The following GPC5 variants were observed in gnomAD, a reference collection of about 807,000 sequenced individuals.
The protein encoded by GPC5 is glypican 5, also known as glypican-5.
GPC5 carries 47 observed loss-of-function variants against 53.9 expected under a neutral mutation model. The ratio of observed to expected loss-of-function variants is 0.87; its 90% CI spans 0.69 to 1.11. The LOEUF (loss-of-function observed/expected upper bound fraction) is 1.11, where lower values mean the gene tolerates loss of function less well. Ranked by LOEUF, GPC5 falls within the 50% of genes most tolerant of loss-of-function variation. The probability of loss-of-function intolerance (pLI) is 0.00; values close to 1 mark genes in which losing one functional copy is unlikely to be tolerated. For synonymous variants in GPC5, 286 were observed against 263.3 expected (o/e 1.09, Z -0.84); for missense variants, 748 against 713.1 (o/e 1.05, Z -0.56).
intron 5 of GPC5, among the ~76,000 whole-genome samples, chr13:91,784,460 C>T (rs2037846275): frequency 6.6e-6 from 1 of 152,112 alleles, no homozygotes; most frequent in Non-Finnish European, 1.5e-5. Context: ...CGCAGTGGCT[C>T]ACACCTGTAA....
intron 7 of GPC5, among the ~76,000 whole-genome samples, chr13:92,627,720 G>T (rs1048216745): frequency 1.3e-5 from 2 of 152,286 alleles, no homozygotes; most frequent in Middle Eastern, 3.4e-3. Context: ...CCAAGGAGCA[G>T]TTGCTAAGTA....
intron 7 of GPC5, among the ~76,000 whole-genome samples, chr13:92,502,839 A>G (rs1387504280): frequency 6.6e-6 from 1 of 152,014 alleles, no homozygotes; most frequent in Non-Finnish European, 1.5e-5. Context: ...GACATCAATC[A>G]ATCAATTCTA....
intron 6 of GPC5, among the ~76,000 whole-genome samples, chr13:92,051,737 G>A (rs1326716508): frequency 2.6e-5 from 4 of 152,288 alleles, no homozygotes; most frequent in South Asian, 2.1e-4. Flanking sequence ...ACAAAGTGAA[G>A]GTAAGACAAA....
chr13:92,457,501 C>T (rs190796084), intron 7 of GPC5, among the ~76,000 whole-genome samples: 2 of 152,234 alleles, frequency 1.3e-5, no homozygotes, highest in African/African-American at 4.8e-5. Flanking sequence ...TATTGAAAAT[C>T]ATTGCTCACA....
At chr13:91,431,577 C>A (rs1594080067) in intron 1 of GPC5, among the ~76,000 whole-genome samples, 1 of 152,228 alleles carries the variant, frequency 6.6e-6, no homozygotes, top group East Asian at 1.9e-4. Flanking sequence ...ACACTCTGAC[C>A]ACAAACAGAT....
At chr13:91,538,609 G>T (rs922835119) in intron 2 of GPC5, among the ~76,000 whole-genome samples, 1 of 138,604 alleles carries the variant, frequency 7.2e-6, no homozygotes, top group Non-Finnish European at 1.5e-5. Context: ...TTGAGATGGC[G>T]TCTTGCTCTG....
chr13:92,113,132 G>A (rs958272412), intron 6 of GPC5, among the ~76,000 whole-genome samples: 2 of 151,448 alleles, frequency 1.3e-5, no homozygotes, highest in Non-Finnish European at 2.9e-5. Flanking sequence ...TTTCTTTTTT[G>A]TGGATATCTT....
At chr13:92,028,941 A>T (rs1175710257) in intron 6 of GPC5, among the ~76,000 whole-genome samples, 1 of 152,148 alleles carries the variant, frequency 6.6e-6, no homozygotes, top group Admixed American at 6.6e-5. Flanking sequence ...ATACAGTAGA[A>T]TGTGTCCCAG....
chr13:91,700,217 T>C (rs1396430698), intron 3 of GPC5, among the ~76,000 whole-genome samples: 1 of 152,176 alleles, frequency 6.6e-6, no homozygotes, highest in African/African-American at 2.4e-5. Context: ...TGGTGAGGGC[T>C]AATGAAGACT....
chr13:91,768,654 C>A (rs2037567425), intron 5 of GPC5, among the ~76,000 whole-genome samples: 1 of 152,048 alleles, frequency 6.6e-6, no homozygotes. Flanking sequence ...AGAATCTAGA[C>A]CTTTTTAGTT....
At chr13:91,430,485 G>C (rs1053594944) in intron 1 of GPC5, among the ~76,000 whole-genome samples, 1 of 152,152 alleles carries the variant, frequency 6.6e-6, no homozygotes, top group Admixed American at 6.5e-5. Flanking sequence ...TTCTTCCTCT[G>C]TAAAGACTGG....
At chr13:92,317,932 TG>T (rs1236787122) in intron 7 of GPC5, among the ~76,000 whole-genome samples, 2 of 152,226 alleles carry the variant, frequency 1.3e-5, no homozygotes, top group Non-Finnish European at 2.9e-5. Context: ...ACTTCAATTC[TG>T]GTGAATGAAG....
intron 7 of GPC5, among the ~76,000 whole-genome samples, chr13:92,191,639 A>C (rs938823235): frequency 4.6e-5 from 7 of 152,198 alleles, no homozygotes. Context: ...TAAGTGAATG[A>C]ATTAACTGCG....
chr13:92,073,496 C>T (rs2138869034), intron 6 of GPC5, among the ~76,000 whole-genome samples: 1 of 152,302 alleles, frequency 6.6e-6, no homozygotes, highest in East Asian at 1.9e-4. Flanking sequence ...ATTGGACTTT[C>T]TATGTCATAC....
chr13:92,434,389 A>G (rs556129698), intron 7 of GPC5, among the ~76,000 whole-genome samples: 1 of 152,340 alleles, frequency 6.6e-6, no homozygotes, highest in African/African-American at 2.4e-5. Context: ...CCATTGCAAT[A>G]GAATGTTTTT....
At chr13:92,530,792 T>C (rs1881537986) in intron 7 of GPC5, among the ~76,000 whole-genome samples, 1 of 152,206 alleles carries the variant, frequency 6.6e-6, no homozygotes, top group Admixed American at 6.5e-5. Flanking sequence ...CACATTTCTG[T>C]ATGTCTCTCC....
chr13:92,814,695 A>T lies in GPC5; in HGVS notation c.1562-51587A>T, dbSNP rs541392643. 4.6e-5 allele frequency among the ~76,000 whole-genome samples: 7 copies of T among 151,844 alleles called. No individual in the cohort carries two copies. In the East Asian group the frequency reaches 5.8e-4, roughly 13 times the overall value. On this transcript the variant is annotated intron_variant, in intron 7 of 7. Transcript: ENST00000377067. Reference sequence around the variant, plus strand: ...AATAAAAAATAAAAAATAAAAAAATAAAAACTTCATCAAAATTAAGAAATT... The same window carrying T: ...AATAAAAAATAAAAAATAAAAAAATTAAAACTTCATCAAAATTAAGAAATT...
intron 6 of GPC5, among the ~76,000 whole-genome samples, chr13:91,950,272 T>TTG (rs2040014890): frequency 6.6e-6 from 1 of 150,786 alleles, no homozygotes; most frequent in South Asian, 2.1e-4. Flanking sequence ...CCAAGTTTTT[T>TTG]TTTTTTTTTT....
At chr13:92,755,547 T>G (rs1276186840) in intron 7 of GPC5, among the ~76,000 whole-genome samples, 3 of 151,358 alleles carry the variant, frequency 2.0e-5, no homozygotes. Flanking sequence ...AGGAGCTGGT[T>G]TTTTGAAAGG....
Sources: allele counts gnomAD v4.1 joint callset (sites outside exome capture counted in the v4.1 genomes callset), GRCh38; gene constraint gnomAD v4.1.1; transcripts MANE v1.5; gene names NCBI Gene and HGNC (gene_info 2026-07-23, HGNC 2026-07-21).